Variants in PRSS37 observed in about 807,000 individuals in gnomAD.
PRSS37 encodes the protein probable inactive serine protease 37.
In PRSS37, 25 loss-of-function variants were observed where a neutral mutation model predicts 28.0. That is an observed-to-expected ratio of 0.89 (90% confidence interval 0.65 to 1.25). The LOEUF (loss-of-function observed/expected upper bound fraction) is 1.25, where lower values mean the gene tolerates loss of function less well. Ranked by LOEUF, PRSS37 falls within the 50% of genes most tolerant of loss-of-function variation. PRSS37 has a pLI of 0.00. For synonymous variants in PRSS37, 109 were observed against 107.8 expected, an observed-to-expected ratio of 1.01 and a Z score of -0.07; for missense variants, 282 against 292.2, an observed-to-expected ratio of 0.97 and a Z score of 0.25.
At chr7:141,840,873 G>A in intron 1 of PRSS37, 143 bp downstream of exon 1, 1 of 778,548 alleles carries the variant, frequency 1.3e-6, no homozygotes, top group Non-Finnish European at 2.1e-6. Flanking sequence ...GCCTTTGGAT[G>A]GAGTCTGAGA....
chr7:141,839,576 A>T (rs139622736), intron 1 of PRSS37, 97 bp from the exon 2 acceptor site: 23,050 of 976,800 alleles, frequency 0.024, 448 homozygotes, highest in South Asian at 0.064. Context: ...TTAAACAGTT[A>T]TCAGTTGGCC....
chr7:141,836,605 A>G (rs1584799864), intron 4 of PRSS37, 70 bp from the exon 5 acceptor site: 3 of 1,567,176 alleles, frequency 1.9e-6, no homozygotes, highest in East Asian at 2.3e-5. Flanking sequence ...CAGGAACCCT[A>G]GTGTCCCGCT....
At chr7:141,839,282 A>G (rs1424502094) in intron 2 of PRSS37, 56 bp downstream of exon 2, 8 of 1,569,298 alleles carry the variant, frequency 5.1e-6, no homozygotes, top group Middle Eastern at 1.7e-4. Context: ...TATGAGAACC[A>G]CTGATCTAGA....
chr7:141,839,870 A>G (rs1238643513), intron 1 of PRSS37, among the ~76,000 whole-genome samples: 1 of 152,230 alleles, frequency 6.6e-6, no homozygotes, highest in Admixed American at 6.5e-5. Context: ...GACAAGGATT[A>G]CAAACAAGTA....
At chr7:141,837,560 C>T in intron 3 of PRSS37, 1 of 1,500,778 alleles carries the variant, frequency 6.7e-7, no homozygotes, top group Non-Finnish European at 8.9e-7. Context: ...TAGGACCACA[C>T]CTTGTTCATG....
rs374335419 is a variant in PRSS37, at chr7:141,837,138, C to G, written c.541G>C (p.Val181Leu). The G allele has an allele frequency of 2.9e-5, 47 of 1,612,218 alleles. No homozygotes were observed. Among genetic ancestry groups the G allele is most frequent in the Non-Finnish European group, 6.8e-6 (8 of 1,179,570 alleles). ...CCAAAAATTCGGCTGAATACTTTCA[C>G]AAATTTCACACATAAGGAATTCCTG... ...SHRNSLCVKF[V>L]KVFSRIFGEV... The change falls in exon 4 of 5, where the codon GTG becomes CTG. Residue 181 changes from valine (V) to leucine (L), a missense_variant. Transcript: ENST00000350549.
chr7:141,836,791 T>C (rs1251906676), intron 4 of PRSS37, among the ~76,000 whole-genome samples: 3 of 152,234 alleles, frequency 2.0e-5, no homozygotes, highest in African/African-American at 7.2e-5. Flanking sequence ...CTCCATTTTT[T>C]TGAACTGGTG....
At chr7:141,837,548 A>G (rs765891898) in intron 3 of PRSS37, 71 of 1,496,450 alleles carry the variant, frequency 4.7e-5, no homozygotes, top group Non-Finnish European at 5.0e-5. Flanking sequence ...ATGTATGAGA[A>G]GTAGGACCAC....
chr7:141,838,222 G>A, intron 2 of PRSS37, 109 bp from the exon 3 acceptor site: 1 of 1,533,830 alleles, frequency 6.5e-7, no homozygotes. Flanking sequence ...TCTGGATTAT[G>A]TCATTTAACT....
chr7:141,839,366 C>G lies in PRSS37; in HGVS notation c.148G>C (p.Val50Leu). The G allele has an allele frequency of 6.2e-7, 1 of 1,613,826 alleles. No homozygotes were observed. The highest frequency in any genetic ancestry group is 8.5e-7 in the Non-Finnish European group (1 of 1,179,822). Residue 50 changes from valine to leucine, a missense_variant, in exon 2 of 5, where the codon GTG (valine) becomes CTG (leucine). Transcript: ENST00000350549. ...CVGVLIKPSWVLAPAHCYLPN... is the reference protein window; with the variant it reads ...CVGVLIKPSWLLAPAHCYLPN... The stretch of plus-strand genomic sequence containing the variant: ...AAATAGCAGTGAGCTGGGGCCAGCA[C>G]CCAGCTGGGTTTGATGAGGACGCCC...
intron 3 of PRSS37, chr7:141,837,599 G>T (rs776617321): frequency 3.1e-5 from 47 of 1,509,130 alleles, no homozygotes; most frequent in Admixed American, 3.0e-4. Context: ...ATCAGGAATG[G>T]CTGGGCCTCT....
At chr7:141,839,553 A>C in intron 1 of PRSS37, 74 bp from the exon 2 acceptor site, 2 of 1,207,208 alleles carry the variant, frequency 1.7e-6, no homozygotes, top group Non-Finnish European at 1.2e-6. Flanking sequence ...TTGAAAAGGA[A>C]TCTGGATGAT....
In PRSS37 at chr7:141,837,167, C is replaced by G; in HGVS notation, c.512G>C (p.Ser171Thr). Residue 171 changes from serine to threonine, a missense_variant, in exon 4 of 5, where the codon AGC becomes ACC. Ser to Thr is a moderately conservative substitution (Grantham distance 58, BLOSUM62 1). Coordinates refer to ENST00000350549, the MANE Select transcript of PRSS37 (RefSeq NM_001008270.3). Reference protein sequence around the residue: ...RECQKTEQGKSHRNSLCVKFV... With the variant: ...RECQKTEQGKTHRNSLCVKFV... ...TTTCACACATAAGGAATTCCTGTGG[C>G]TTTTTCCTTGTTCTGTTTTTTGGCA... 1.2e-6 allele frequency: 2 copies of G among 1,613,170 alleles called. No individual in the cohort carries two copies. Among genetic ancestry groups the G allele is most frequent in the Non-Finnish European group, 1.7e-6 (2 of 1,179,780 alleles).
At chr7:141,837,577 G>GTGAAT in intron 3 of PRSS37, 1 of 1,503,910 alleles carries the variant, frequency 6.6e-7, no homozygotes, top group Non-Finnish European at 8.9e-7. Flanking sequence ...CATGTGAATT[G>GTGAAT]TGTCTCTGCC....
intron 3 of PRSS37, 93 bp downstream of exon 3, chr7:141,837,767 C>T: frequency 6.4e-7 from 1 of 1,561,214 alleles, no homozygotes. Context: ...CTTTCACTCT[C>T]CTTTCCTCCT....
In PRSS37 at chr7:141,838,453, G is replaced by A. The variant is rs191157361; in HGVS notation, c.177-340C>T. ...ACTGAACAATGTCCATTTTGGTGGA[G>A]ACCAGAGAATAAATAACCTAGTTCT... On this transcript the variant is annotated intron_variant, in intron 2 of 4. Transcript: ENST00000350549. 7.7e-6 allele frequency: 9 copies of A among 1,174,676 alleles called. No individual in the cohort carries two copies. In the African/African-American group the frequency reaches 1.3e-4, roughly 16 times the overall value. The allele number at this position is 1,174,676 out of a possible 1,614,324, so 72.8% of individuals were successfully genotyped here.
chr7:141,836,867 C>T (rs189319858), intron 4 of PRSS37, among the ~76,000 whole-genome samples: 290 of 152,150 alleles, frequency 1.9e-3, no homozygotes, highest in Non-Finnish European at 2.8e-3. Flanking sequence ...CACAATTTTG[C>T]TTGTAGTTAT....
Position 141,838,312 on chromosome 7 carries a change from C to T in PRSS37, c.177-199G>A, listed in dbSNP as rs538401521. On this transcript the variant is annotated intron_variant, in intron 2 of 4. Coordinates refer to ENST00000350549, the MANE Select transcript of PRSS37 (RefSeq NM_001008270.3). ...AATGGGGGCACATAGGAGTAATTCA[C>T]TCAGGGTGATATAGTAAGTAGTGGA... 91 of 1,427,920 alleles carry T rather than the reference C, an allele frequency of 6.4e-5. 1 individual carries two copies. The African/African-American group carries it at 7.0e-4, about 11-fold the overall frequency. 88.5% of individuals were successfully genotyped at this position (1,427,920 alleles called of 1,614,324 possible). A position where few individuals can be genotyped will look rare whatever the true frequency, so the allele number is the denominator to read the frequency against.
In PRSS37 at chr7:141,839,409, A is replaced by T; in HGVS notation, c.105T>A (p.Ser35=). The T allele has an allele frequency of 6.2e-7, 1 of 1,613,822 alleles. No homozygotes were observed. Among genetic ancestry groups the T allele is most frequent in the Non-Finnish European group, 8.5e-7 (1 of 1,179,732 alleles). ...GGACGCCCACACAGGGGTTGAAGTG[A>T]GACTTGAGGTACACCAAATAGGGAG... is the stretch of plus-strand genomic sequence containing the variant. ...DPAPYLVYLK[S]HFNPCVGVLI... is the part of the protein sequence containing the mutation. The change falls in exon 2 of 5, where the codon TCT becomes TCA. Residue 35 remains serine (S), a synonymous_variant. Transcript: ENST00000350549.
Sources: gnomAD v4.1 joint callset for allele counts (sites outside exome capture counted in the v4.1 genomes callset) on GRCh38, gnomAD v4.1.1 for gene constraint, MANE v1.5 for transcripts, NCBI Gene and HGNC (gene_info 2026-07-23, HGNC 2026-07-21) for gene names.